Variants in FAM117A observed in about 807,000 individuals in gnomAD.
The protein encoded by FAM117A is protein FAM117A.
In FAM117A, 21 loss-of-function variants were observed where a neutral mutation model predicts 44.1. The ratio of observed to expected loss-of-function variants is 0.48; its 90% CI spans 0.34 to 0.69. The LOEUF (loss-of-function observed/expected upper bound fraction) is 0.69. FAM117A is among the 30% of genes least tolerant of loss of function. The probability of loss-of-function intolerance (pLI) is 0.01; values close to 1 mark genes in which losing one functional copy is unlikely to be tolerated. For missense variants in FAM117A, 498 were observed against 589.9 expected, an observed-to-expected ratio of 0.84 and a Z score of 1.61; for synonymous variants, 220 against 238.3, an observed-to-expected ratio of 0.92 and a Z score of 0.71.
chr17:49,757,621 C>T (rs2073703942), intron 1 of FAM117A, among the ~76,000 whole-genome samples: 1 of 151,902 alleles, frequency 6.6e-6, no homozygotes, highest in Admixed American at 6.6e-5. Flanking sequence ...ACAACGGCCC[C>T]TTCATGAGCT....
intron 1 of FAM117A, among the ~76,000 whole-genome samples, chr17:49,740,256 T>A (rs1195358747): frequency 6.6e-6 from 1 of 151,958 alleles, no homozygotes; most frequent in African/African-American, 2.4e-5. Flanking sequence ...CAGATTTTTT[T>A]TTTTTTTTTG....
Position 49,719,185 on chromosome 17 carries a change from C to T in FAM117A, c.708+575G>A, listed in dbSNP as rs150898209. Among the ~76,000 whole-genome samples the T allele has an allele frequency of 8.2e-3, 1,247 of 152,056 alleles. 10 individuals carry two copies. Among genetic ancestry groups the T allele is most frequent in the Non-Finnish European group, 0.01 (689 of 67,994 alleles). On this transcript the variant is annotated intron_variant, in intron 5 of 7. Coordinates refer to ENST00000240364, the MANE Select transcript of FAM117A (RefSeq NM_030802.4). ...GCTGAGGCAGAGAACTGCTTGAACC[C>T]GGGAGGCGGAGGTTGCGGTGAGCTG... is the stretch of plus-strand genomic sequence containing the variant.
chr17:49,731,192 A>T (rs1371737445), intron 2 of FAM117A, among the ~76,000 whole-genome samples: 1 of 152,214 alleles, frequency 6.6e-6, no homozygotes, highest in Non-Finnish European at 1.5e-5. Context: ...TGCCACCTAC[A>T]CAGAGGCAGA....
rs2073575029 is a variant in FAM117A at position 49,729,462 on chromosome 17, C to T, written c.366+3089G>A. 2.0e-5 allele frequency among the ~76,000 whole-genome samples: 3 copies of T among 151,508 alleles called. No homozygotes were observed. The South Asian group carries it at 6.3e-4, about 32-fold the overall frequency. The stretch of plus-strand genomic sequence containing the variant: ...AAGGGCAGCGGTAGGAACAGCCCCA[C>T]CCTCAGCTTAGGGCAATTGGGAAAA... On this transcript the variant is annotated intron_variant, in intron 2 of 7. Transcript: ENST00000240364.
At chr17:49,726,456 C>A (rs1227954464) in intron 2 of FAM117A, among the ~76,000 whole-genome samples, 1 of 152,204 alleles carries the variant, frequency 6.6e-6, no homozygotes, top group Non-Finnish European at 1.5e-5. Context: ...AGGTGATCTG[C>A]CTGCCTCAGC....
chr17:49,764,101 G>C lies in FAM117A; in HGVS notation c.-14C>G, dbSNP rs1404436609. 9 of 1,249,748 alleles carry C rather than the reference G, an allele frequency of 7.2e-6. No individual in the cohort carries two copies. The highest frequency in any genetic ancestry group is 3.1e-5 in the Admixed American group (1 of 31,806). The allele number at this position is 1,249,748 out of a possible 1,614,324, so 77.4% of individuals were successfully genotyped here. A position where few individuals can be genotyped will look rare whatever the true frequency, so the allele number is the denominator to read the frequency against. On this transcript the variant is annotated 5_prime_UTR_variant, in exon 1 of 8. Transcript: ENST00000240364. ...GGCCCCCGCCATGGCTCTCCCGGCT[G>C]CCTGCCTCAGCCCCACTGCGAGACT...
chr17:49,739,899 G>T (rs2073626015), intron 1 of FAM117A, among the ~76,000 whole-genome samples: 1 of 152,230 alleles, frequency 6.6e-6, no homozygotes, highest in African/African-American at 2.4e-5. Flanking sequence ...CAACCACCTG[G>T]TGAAGCACCC....
chr17:49,769,423 G>A (rs891335224), intron 1 of FAM117A, among the ~76,000 whole-genome samples: 1 of 152,312 alleles, frequency 6.6e-6, no homozygotes, highest in Non-Finnish European at 1.5e-5. Flanking sequence ...AATAGGCCGG[G>A]CGCGGTGGCT....
intron 1 of FAM117A, among the ~76,000 whole-genome samples, 193 bp downstream of exon 1, chr17:49,763,699 C>A (rs142367839): frequency 3.3e-5 from 5 of 152,132 alleles, no homozygotes; most frequent in Non-Finnish European, 7.4e-5. Flanking sequence ...ACACTCCGTC[C>A]CAGCGGTGCT....
chr17:49,765,934 A>G (rs1019107908), upstream of FAM117A, among the ~76,000 whole-genome samples: 2 of 152,230 alleles, frequency 1.3e-5, no homozygotes, highest in Admixed American at 6.5e-5. Flanking sequence ...AAGTCCAAAG[A>G]AGTGAGTCCT....
intron 7 of FAM117A, among the ~76,000 whole-genome samples, chr17:49,714,334 CT>C (rs541335118): frequency 1.9e-3 from 263 of 139,144 alleles, no homozygotes; most frequent in Middle Eastern, 0.011. Context: ...CACCACCACT[CT>C]TTTTTTTTTT....
At position 49,711,568 on chromosome 17, in the gene FAM117A, G is replaced by T; in HGVS notation, c.1062-13C>A. The T allele has an allele frequency of 6.2e-7, 1 of 1,613,002 alleles. No individual in the cohort carries two copies. Among genetic ancestry groups the T allele is most frequent in the South Asian group, 1.1e-5 (1 of 91,038 alleles). On this transcript the variant is annotated splice_polypyrimidine_tract_variant and intron_variant, in intron 7 of 7. Transcript: ENST00000240364. ...AGGACCTGGAGACCTGGAGGATGAA[G>T]AGAGACACACAAGACACATACGTAC...
intron 1 of FAM117A, among the ~76,000 whole-genome samples, chr17:49,763,125 C>CAA (rs775310751): frequency 2.3e-5 from 1 of 43,840 alleles, no homozygotes; most frequent in East Asian, 5.4e-4. Context: ...CCCCCCGCTA[C>CAA]ACACACACAC....
At chr17:49,767,867 C>T (rs548611527), upstream of FAM117A, among the ~76,000 whole-genome samples, 122 of 151,682 alleles carry the variant, frequency 8.0e-4, no homozygotes, top group Non-Finnish European at 1.5e-3. Context: ...TGCACCACTG[C>T]GCTCCAGACT....
chr17:49,720,024 T>C (rs927500552), intron 4 of FAM117A, 130 bp from the exon 5 acceptor site: 1 of 1,314,918 alleles, frequency 7.6e-7, no homozygotes, highest in Non-Finnish European at 1.0e-6. Context: ...TGGGGACAGT[T>C]ACAGATTGCA....
At chr17:49,766,211 G>A (rs1313926028), upstream of FAM117A, among the ~76,000 whole-genome samples, 1 of 152,214 alleles carries the variant, frequency 6.6e-6, no homozygotes, top group Non-Finnish European at 1.5e-5. Context: ...CCAGAGCTGA[G>A]CTCCTGATCT....
At chr17:49,763,347 G>A (rs1366628716) in intron 1 of FAM117A, among the ~76,000 whole-genome samples, 2 of 152,026 alleles carry the variant, frequency 1.3e-5, no homozygotes, top group Admixed American at 6.6e-5. Context: ...TGGCATAAAG[G>A]GAAGCGCACG....
chr17:49,758,951 G>C (rs1226197146), intron 1 of FAM117A, among the ~76,000 whole-genome samples: 1 of 152,162 alleles, frequency 6.6e-6, no homozygotes, highest in Non-Finnish European at 1.5e-5. Flanking sequence ...AAAATAAACT[G>C]AATTCAGCAG....
chr17:49,775,452 G>T (rs756437231), intron 1 of FAM117A, among the ~76,000 whole-genome samples: 37 of 152,198 alleles, frequency 2.4e-4, no homozygotes, highest in Non-Finnish European at 2.9e-5. Context: ...GGCCTTGGCA[G>T]TCTCTCTAGC....
Sources: gnomAD v4.1 joint callset for allele counts (sites outside exome capture counted in the v4.1 genomes callset) on GRCh38, gnomAD v4.1.1 for gene constraint, MANE v1.5 for transcripts, NCBI Gene and HGNC (gene_info 2026-07-23, HGNC 2026-07-21) for gene names.